The following STXBP6 variants were observed in gnomAD, a reference collection of about 807,000 sequenced individuals.
STXBP6 encodes syntaxin-binding protein 6.
A neutral mutation model predicts 26.9 loss-of-function variants in STXBP6; 21 were observed. That is an observed-to-expected ratio of 0.78 (90% CI 0.55 to 1.12). STXBP6 has a LOEUF of 1.12. Ranked by LOEUF, STXBP6 falls within the 50% of genes most tolerant of loss-of-function variation. The pLI, the probability that STXBP6 is intolerant of heterozygous loss-of-function variation, is 0.00. For synonymous variants in STXBP6, 97 were observed against 92.6 expected, an observed-to-expected ratio of 1.05 and a Z score of -0.27; for missense variants, 232 against 257.9, an observed-to-expected ratio of 0.90 and a Z score of 0.69.
chr14:24,871,133 A>G (rs1010078081), intron 2 of STXBP6, among the ~76,000 whole-genome samples: 2 of 151,742 alleles, frequency 1.3e-5, no homozygotes, highest in South Asian at 4.2e-4. Flanking sequence ...CTACTTTCAT[A>G]TGGCAGGAAG....
At chr14:24,915,333 G>A (rs1056305269) in intron 2 of STXBP6, among the ~76,000 whole-genome samples, 24 of 152,188 alleles carry the variant, frequency 1.6e-4, no homozygotes, top group African/African-American at 5.5e-4. Context: ...ATGGTCTGCT[G>A]AGTTACCCAG....
At chr14:25,034,785 T>C (rs146501531) in intron 1 of STXBP6, among the ~76,000 whole-genome samples, 239 of 152,294 alleles carry the variant, frequency 1.6e-3, no homozygotes, top group Middle Eastern at 3.4e-3. Context: ...CAATATCACA[T>C]AGAGGAAGCC....
At chr14:24,980,961 G>A (rs1031944617) in intron 1 of STXBP6, among the ~76,000 whole-genome samples, 2 of 152,060 alleles carry the variant, frequency 1.3e-5, no homozygotes, top group African/African-American at 4.8e-5. Context: ...CTGGGGCTAG[G>A]GCCTGCAACT....
Position 24,882,905 on chromosome 14 carries a change from G to A in STXBP6, c.155-25748C>T, listed in dbSNP as rs146134985. Among the ~76,000 whole-genome samples, 1,482 of 152,172 alleles carry A rather than the reference G, an allele frequency of 9.7e-3. 12 individuals carry two copies. The highest frequency in any genetic ancestry group is 0.014 in the Non-Finnish European group (962 of 67,990). On this transcript the variant is annotated intron_variant, in intron 2 of 5. Transcript: ENST00000323944. ...ATTCTTTCAGTCAGTAATATTTCTA[G>A]GAACTGCTCCTGAGAAAATAATAGT... is the stretch of plus-strand genomic sequence containing the variant.
intron 2 of STXBP6, among the ~76,000 whole-genome samples, chr14:24,880,452 C>A (rs527503987): frequency 1.9e-4 from 29 of 152,068 alleles, no homozygotes; most frequent in Non-Finnish European, 2.9e-4. Context: ...TCAGCCTCAA[C>A]GTGCATAGAG....
At chr14:24,986,737 C>T (rs758568698) in intron 1 of STXBP6, among the ~76,000 whole-genome samples, 8 of 152,214 alleles carry the variant, frequency 5.3e-5, no homozygotes, top group Non-Finnish European at 7.3e-5. Context: ...GATTTCCACA[C>T]ACAGCTGCAC....
Position 24,900,407 on chromosome 14 carries a change from A to G in STXBP6, c.155-43250T>C, listed in dbSNP as rs576175521. Among the ~76,000 whole-genome samples, 100 of 152,348 alleles carry G rather than the reference A, an allele frequency of 6.6e-4. 1 individual carries two copies. Among genetic ancestry groups the G allele is most frequent in the African/African-American group, 2.4e-3 (98 of 41,578 alleles). On this transcript the variant is annotated intron_variant, in intron 2 of 5. Coordinates refer to ENST00000323944, the MANE Select transcript of STXBP6 (RefSeq NM_001394410.1). ...CTGAACTACAGGAAAGCAGTATAAG[A>G]GTCAAAACAAAATAAAACCACTTGC...
At chr14:25,036,665 T>G (rs1472679315) in intron 1 of STXBP6, among the ~76,000 whole-genome samples, 3 of 151,876 alleles carry the variant, frequency 2.0e-5, no homozygotes, top group African/African-American at 7.3e-5. Flanking sequence ...CCATCCTGGC[T>G]AACAGAGTGA....
intron 2 of STXBP6, among the ~76,000 whole-genome samples, chr14:24,947,075 T>A (rs1163895123): frequency 1.3e-5 from 2 of 152,152 alleles, no homozygotes; most frequent in African/African-American, 4.8e-5. Flanking sequence ...GTGCTTATTA[T>A]CTAGAAAATT....
intron 1 of STXBP6, among the ~76,000 whole-genome samples, chr14:25,011,194 A>G (rs2075020608): frequency 6.6e-6 from 1 of 152,182 alleles, no homozygotes; most frequent in African/African-American, 2.4e-5. Context: ...GCAACCTTTG[A>G]CATAGTCTTT....
chr14:24,938,820 T>C (rs1340095195), intron 2 of STXBP6, among the ~76,000 whole-genome samples: 1 of 152,150 alleles, frequency 6.6e-6, no homozygotes, highest in South Asian at 2.1e-4. Flanking sequence ...GGCTAGACAT[T>C]CCTAACAGAA....
rs565226004 is a variant in STXBP6 at position 24,810,520 on chromosome 14, C to T, written c.*2189G>A. On this transcript the variant is annotated 3_prime_UTR_variant, in exon 6 of 6. Coordinates refer to ENST00000323944, the MANE Select transcript of STXBP6 (RefSeq NM_001394410.1). ...TCATTAGAGGGGGCTAATAAAGATTCGGATGGGCTTTCTTCTAATTCAGGC... is the reference window on the plus strand; with the variant it reads ...TCATTAGAGGGGGCTAATAAAGATTTGGATGGGCTTTCTTCTAATTCAGGC... 3.9e-5 allele frequency: 6 copies of T among 152,256 alleles called. No homozygotes were observed. Among genetic ancestry groups the T allele is most frequent in the East Asian group, 3.9e-4 (2 of 5,184 alleles). 9.4% of individuals were successfully genotyped at this position (152,256 alleles called of 1,614,324 possible).
chr14:24,944,233 C>T (rs902104932), intron 2 of STXBP6, among the ~76,000 whole-genome samples: 7 of 152,268 alleles, frequency 4.6e-5, no homozygotes, highest in African/African-American at 7.2e-5. Flanking sequence ...TGCCACCGCA[C>T]GGAAGGTATC....
intron 1 of STXBP6, among the ~76,000 whole-genome samples, chr14:25,023,638 G>A (rs926765234): frequency 3.3e-5 from 5 of 151,788 alleles, no homozygotes; most frequent in African/African-American, 9.7e-5. Flanking sequence ...GCAAGACCCC[G>A]TTTCTTAAAA....
intron 2 of STXBP6, among the ~76,000 whole-genome samples, chr14:24,859,703 G>C (rs139863458): frequency 2.6e-5 from 4 of 152,256 alleles, no homozygotes; most frequent in Non-Finnish European, 5.9e-5. Context: ...TAATATCATA[G>C]AGCTGCATGC....
chr14:24,914,838 T>TA (rs1208939381), intron 2 of STXBP6, among the ~76,000 whole-genome samples: 1 of 152,244 alleles, frequency 6.6e-6, no homozygotes, highest in Non-Finnish European at 1.5e-5. Flanking sequence ...ATTTCACTCA[T>TA]ACATTTCCAA....
intron 2 of STXBP6, among the ~76,000 whole-genome samples, chr14:24,957,570 C>T (rs1295586702): frequency 6.6e-6 from 1 of 152,172 alleles, no homozygotes; most frequent in Non-Finnish European, 1.5e-5. Flanking sequence ...TAGAAGAATG[C>T]TTTCAAATGC....
intron 1 of STXBP6, among the ~76,000 whole-genome samples, chr14:25,017,674 G>A (rs1283211533): frequency 6.6e-6 from 1 of 152,228 alleles, no homozygotes; most frequent in Non-Finnish European, 1.5e-5. Context: ...TTGGCTCTAA[G>A]TAATCCCTGG....
At chr14:25,001,300 A>T (rs2074754978) in intron 1 of STXBP6, among the ~76,000 whole-genome samples, 2 of 152,236 alleles carry the variant, frequency 1.3e-5, no homozygotes, top group Admixed American at 1.3e-4. Context: ...GAATTCATAC[A>T]TACAGGGCAT....
Sources: allele counts gnomAD v4.1 joint callset (sites outside exome capture counted in the v4.1 genomes callset), GRCh38; gene constraint gnomAD v4.1.1; transcripts MANE v1.5; gene names NCBI Gene and HGNC (gene_info 2026-07-23, HGNC 2026-07-21).